FNDC3A: variants seen among roughly 807,000 people sequenced by gnomAD.
FNDC3A encodes fibronectin type III domain containing 3A, also known as fibronectin type-III domain-containing protein 3A.
Under a neutral mutation model 148.9 loss-of-function variants are expected in FNDC3A, and 32 were observed. The ratio of observed to expected loss-of-function variants is 0.21; its 90% CI spans 0.16 to 0.29. The LOEUF is 0.29. Among genes scored for constraint, FNDC3A ranks in the 10% least tolerant of loss-of-function variants. FNDC3A has a pLI of 1.00. For synonymous variants in FNDC3A, 472 were observed against 473.6 expected, an observed-to-expected ratio of 1.00 and a Z score of 0.04; for missense variants, 1,191 against 1,452.8, an observed-to-expected ratio of 0.82 and a Z score of 2.93.
chr13:48,999,100 A>G (rs982740045), intron 1 of FNDC3A, among the ~76,000 whole-genome samples: 4 of 152,160 alleles, frequency 2.6e-5, no homozygotes, highest in African/African-American at 7.2e-5. Context: ...GCAGAGCCTC[A>G]TGGGAAGGTC....
rs370781473 is a variant in FNDC3A at position 49,145,961 on chromosome 13, C to G, written c.977+26C>G. On this transcript the variant is annotated intron_variant, in intron 8 of 25. Coordinates refer to ENST00000492622, the MANE Select transcript of FNDC3A (RefSeq NM_001079673.2). The stretch of plus-strand genomic sequence containing the variant: ...GTAGGTATTTGTTGTTTTGCTTTCT[C>G]CCATTGTGTAAATTAATGGTTTATT... The G allele has an allele frequency of 7.8e-5, 122 of 1,559,152 alleles. No homozygotes were observed. In the African/African-American group the frequency reaches 1.3e-3, roughly 17 times the overall value.
chr13:49,064,449 C>T (rs1877126625), intron 2 of FNDC3A, among the ~76,000 whole-genome samples: 3 of 117,670 alleles, frequency 2.5e-5, no homozygotes, highest in South Asian at 5.7e-4. Context: ...ACCTAGCAAG[C>T]AACAAACAAG....
intron 2 of FNDC3A, among the ~76,000 whole-genome samples, chr13:49,063,903 CAA>C (rs1593538800): frequency 6.6e-6 from 1 of 152,046 alleles, no homozygotes; most frequent in East Asian, 1.9e-4. Flanking sequence ...TGTAGCAAAA[CAA>C]ATTTTTTTAT....
intron 2 of FNDC3A, among the ~76,000 whole-genome samples, chr13:49,060,585 A>C (rs1876598344): frequency 6.9e-6 from 1 of 144,524 alleles, no homozygotes; most frequent in Non-Finnish European, 1.5e-5. Flanking sequence ...CGGAGGTTGC[A>C]GTGACCCGAG....
chr13:49,115,517 T>C (rs1173792675), intron 4 of FNDC3A, among the ~76,000 whole-genome samples: 1 of 152,210 alleles, frequency 6.6e-6, no homozygotes, highest in Non-Finnish European at 1.5e-5. Flanking sequence ...CTGCACACTC[T>C]GTGAAGCACA....
chr13:49,092,914 G>T (rs184295837), intron 3 of FNDC3A, among the ~76,000 whole-genome samples: 105 of 151,888 alleles, frequency 6.9e-4, no homozygotes, highest in African/African-American at 2.3e-3. Context: ...GGTGCTCATT[G>T]TCTGCCAAGA....
intron 1 of FNDC3A, among the ~76,000 whole-genome samples, chr13:48,990,449 T>C (rs888008265): frequency 1.3e-5 from 2 of 151,740 alleles, no homozygotes; most frequent in Non-Finnish European, 2.9e-5. Flanking sequence ...AATGACTGTT[T>C]AATATAAAAA....
At position 48,980,245 on chromosome 13, in the gene FNDC3A, T is replaced by G. The variant is rs559343170; in HGVS notation, c.-40+4068T>G. ...GCTTGATTTAGAATTTGTATAAGGT[T>G]AGGTGTATCAACTGCCTGTGCTGGT... On this transcript the variant is annotated intron_variant, in intron 1 of 25. Coordinates refer to ENST00000492622, the MANE Select transcript of FNDC3A (RefSeq NM_001079673.2). Among the ~76,000 whole-genome samples, 14 of 152,284 alleles carry G rather than the reference T, an allele frequency of 9.2e-5. 1 individual carries two copies. In the South Asian group the frequency reaches 2.7e-3, roughly 29 times the overall value.
At chr13:49,131,781 C>G (rs1882052396) in intron 5 of FNDC3A, among the ~76,000 whole-genome samples, 1 of 152,192 alleles carries the variant, frequency 6.6e-6, no homozygotes, top group Non-Finnish European at 1.5e-5. Context: ...GCCATAACCT[C>G]TGCCCTCAGG....
intron 2 of FNDC3A, among the ~76,000 whole-genome samples, chr13:49,022,828 T>C (rs865985341): frequency 5.9e-5 from 9 of 152,146 alleles, no homozygotes; most frequent in African/African-American, 2.2e-4. Context: ...CATGCCACTT[T>C]CTGTGACATT....
intron 1 of FNDC3A, among the ~76,000 whole-genome samples, chr13:48,988,517 A>C (rs1951847492): frequency 6.6e-6 from 1 of 152,208 alleles, no homozygotes; most frequent in South Asian, 2.1e-4. Flanking sequence ...GAGAATGATA[A>C]AAGCCATAAT....
chr13:49,129,534 C>T (rs1031677453), intron 4 of FNDC3A, among the ~76,000 whole-genome samples: 2 of 152,278 alleles, frequency 1.3e-5, no homozygotes, highest in South Asian at 2.1e-4. Flanking sequence ...TTCCAGTGTT[C>T]GTTCCTGTAG....
rs1216156391 is a variant in FNDC3A, at chr13:48,976,099, G to A, written c.-118G>A. ...CCTGAGAGCTGACTCTGCAGCTGAG[G>A]TAGAGAGACAACGATCAGGAACCCT... is the stretch of plus-strand genomic sequence containing the variant. On this transcript the variant is annotated 5_prime_UTR_variant, in exon 1 of 26. Transcript: ENST00000492622. The A allele has an allele frequency of 6.6e-6, 1 of 152,306 alleles. No individual in the cohort carries two copies. The highest frequency in any genetic ancestry group is 1.5e-5 in the Non-Finnish European group (1 of 68,160). The allele number at this position is 152,306 out of a possible 1,614,324, so 9.4% of individuals were successfully genotyped here. A position where few individuals can be genotyped will look rare whatever the true frequency, so the allele number is the denominator to read the frequency against.
In FNDC3A at chr13:49,207,438, CAT is replaced by C; in HGVS notation, c.*44_*45del. 1 of 1,228,084 alleles carries C rather than the reference CAT, an allele frequency of 8.1e-7. No individual in the cohort carries two copies. Among genetic ancestry groups the C allele is most frequent in the Non-Finnish European group, 1.1e-6 (1 of 876,524 alleles). The allele number at this position is 1,228,084 out of a possible 1,614,324, so 76.1% of individuals were successfully genotyped here. A position where few individuals can be genotyped will look rare whatever the true frequency, so the allele number is the denominator to read the frequency against. ...TTAACTCTATTACATTTTATTTTGTCATGTACTAAAATTATTTCTGTATTGCT... is the reference window on the plus strand; with the variant it reads ...TTAACTCTATTACATTTTATTTTGTCGTACTAAAATTATTTCTGTATTGCT... On this transcript the variant is annotated 3_prime_UTR_variant, in exon 26 of 26. Transcript: ENST00000492622.
rs2137665243 is a variant in FNDC3A, at chr13:49,031,669, T to G, written c.99+25380T>G. On this transcript the variant is annotated intron_variant, in intron 2 of 25. Coordinates refer to ENST00000492622, the MANE Select transcript of FNDC3A (RefSeq NM_001079673.2). ...TAAAATCCTAAAATAAGAGCTAAAT[T>G]GTAAGACCGTTAGAACAAAAAGGCA... Among the ~76,000 whole-genome samples the G allele has an allele frequency of 1.3e-5, 2 of 152,168 alleles. 1 individual carries two copies. The highest frequency in any genetic ancestry group is 4.8e-5 in the African/African-American group (2 of 41,498).
chr13:48,998,924 TGAAG>T (rs1952074034), intron 1 of FNDC3A, among the ~76,000 whole-genome samples: 6 of 152,096 alleles, frequency 3.9e-5, no homozygotes, highest in Admixed American at 3.9e-4. Flanking sequence ...TGGGATAGAA[TGAAG>T]GAAGACTGTG....
At chr13:49,020,930 G>T (rs1212498646) in intron 2 of FNDC3A, among the ~76,000 whole-genome samples, 1 of 152,088 alleles carries the variant, frequency 6.6e-6, no homozygotes, top group Non-Finnish European at 1.5e-5. Flanking sequence ...TATAAAAATA[G>T]TAAATTAATG....
chr13:49,026,151 T>C (rs1262168335), intron 2 of FNDC3A, among the ~76,000 whole-genome samples: 1 of 152,146 alleles, frequency 6.6e-6, no homozygotes, highest in Non-Finnish European at 1.5e-5. Context: ...TTGAGTAAAA[T>C]AGCAGGTTAG....
chr13:49,188,669 T>C (rs772691668), intron 17 of FNDC3A, 36 bp downstream of exon 17: 3 of 1,424,160 alleles, frequency 2.1e-6, no homozygotes, highest in Non-Finnish European at 3.0e-6. Flanking sequence ...GTGTTGTTAT[T>C]AAGTTTGGCC....
Sources: allele counts gnomAD v4.1 joint callset (sites outside exome capture counted in the v4.1 genomes callset), GRCh38; gene constraint gnomAD v4.1.1; transcripts MANE v1.5; gene names NCBI Gene and HGNC (gene_info 2026-07-23, HGNC 2026-07-21).